Variants in RIMS2 observed in about 807,000 individuals in gnomAD.
RIMS2 encodes regulating synaptic membrane exocytosis protein 2.
Under a neutral mutation model 174.4 loss-of-function variants are expected in RIMS2, and 59 were observed. That is an observed-to-expected ratio of 0.34 (90% CI 0.27 to 0.42). The LOEUF is 0.42. Among genes scored for constraint, RIMS2 ranks in the 10% least tolerant of loss-of-function variants. The pLI, the probability that RIMS2 is intolerant of heterozygous loss-of-function variation, is 1.00. For synonymous variants in RIMS2, 606 were observed against 572.5 expected (o/e 1.06, Z -0.84); for missense variants, 1,620 against 1,666.3 (o/e 0.97, Z 0.48).
chr8:103,501,753 G>A (rs1820141165), intron 1 of RIMS2: 1 of 152,386 alleles, frequency 6.6e-6, no homozygotes, highest in Non-Finnish European at 1.5e-5. Flanking sequence ...ATCCTGAAGA[G>A]ACTCCAGTTC....
rs137947699 is a variant in RIMS2, at chr8:104,228,279, C to T, written c.3335-16637C>T. On this transcript the variant is annotated intron_variant, in intron 19 of 23. Transcript: ENST00000504942. ...TCCTGACCTCGTGATCAGCCCGCCT[C>T]GACCTCCCAAAGTGCTGAGATTACA... Among the ~76,000 whole-genome samples the T allele has an allele frequency of 9.3e-4, 141 of 152,170 alleles. 1 individual carries two copies. In the East Asian group the frequency reaches 0.021, roughly 23 times the overall value.
At chr8:103,900,373 A>C (rs142083615) in intron 4 of RIMS2, among the ~76,000 whole-genome samples, 30,898 of 149,328 alleles carry the variant, frequency 0.21, 3,627 homozygotes, top group Middle Eastern at 0.33. Flanking sequence ...ACAAGTGCCC[A>C]CCACCACGCC....
intron 1 of RIMS2, among the ~76,000 whole-genome samples, chr8:103,576,509 G>A (rs116899596): frequency 0.013 from 2,020 of 152,232 alleles, 25 homozygotes; most frequent in Middle Eastern, 0.037. Flanking sequence ...TGACCCTAAC[G>A]AGACAGCCAT....
At chr8:104,006,934 G>T (rs1435757451) in intron 17 of RIMS2, among the ~76,000 whole-genome samples, 1 of 151,894 alleles carries the variant, frequency 6.6e-6, no homozygotes, top group Admixed American at 6.6e-5. Context: ...ATGGTGATTT[G>T]TCAAACATTA....
chr8:103,756,002 A>C (rs1334548436), intron 2 of RIMS2, among the ~76,000 whole-genome samples: 1 of 152,072 alleles, frequency 6.6e-6, no homozygotes, highest in Non-Finnish European at 1.5e-5. Flanking sequence ...GGCGGCAAAG[A>C]GGTGCTCTGG....
intron 19 of RIMS2, among the ~76,000 whole-genome samples, chr8:104,116,670 C>G (rs867871595): frequency 2.1e-4 from 32 of 152,008 alleles, no homozygotes; most frequent in Middle Eastern, 6.8e-3. Context: ...ATAAAATTTA[C>G]CATGAAAGAT....
chr8:104,188,832 A>G (rs2098982953), intron 19 of RIMS2, among the ~76,000 whole-genome samples: 1 of 151,890 alleles, frequency 6.6e-6, no homozygotes, highest in African/African-American at 2.4e-5. Flanking sequence ...TGATAAACAT[A>G]TATTACTTTT....
intron 2 of RIMS2, among the ~76,000 whole-genome samples, chr8:103,758,489 AT>A (rs1282663857): frequency 3.9e-5 from 6 of 152,050 alleles, no homozygotes; most frequent in East Asian, 1.9e-4. Context: ...TTTCCACAGC[AT>A]TTTTTTCAGC....
At chr8:103,684,539 T>TTTTTTA (rs1554742034) in intron 1 of RIMS2, among the ~76,000 whole-genome samples, 1 of 134,414 alleles carries the variant, frequency 7.4e-6, no homozygotes, top group Non-Finnish European at 1.6e-5. Flanking sequence ...GTTCATACTT[T>TTTTTTA]TTTTATTTTA....
At chr8:104,000,536 CTTCAACATACTGAT>C (rs756005335) in intron 17 of RIMS2, among the ~76,000 whole-genome samples, 1 of 151,704 alleles carries the variant, frequency 6.6e-6, no homozygotes, top group Non-Finnish European at 1.5e-5. Flanking sequence ...GCAGGTATCT[CTTCAACATACTGAT>C]TTCCTTTCTC....
chr8:104,030,169 C>T (rs2096358746), intron 19 of RIMS2, among the ~76,000 whole-genome samples: 1 of 152,026 alleles, frequency 6.6e-6, no homozygotes, highest in Non-Finnish European at 1.5e-5. Flanking sequence ...TTGTGTATGG[C>T]ATGGTGAAAC....
chr8:104,174,813 C>T (rs929986231), intron 19 of RIMS2, among the ~76,000 whole-genome samples: 2 of 152,154 alleles, frequency 1.3e-5, no homozygotes, highest in African/African-American at 4.8e-5. Context: ...ACTTTCTGTT[C>T]TCTTTGAATA....
chr8:104,207,272 G>A (rs1488373748), intron 19 of RIMS2, among the ~76,000 whole-genome samples: 1 of 152,160 alleles, frequency 6.6e-6, no homozygotes, highest in Admixed American at 6.5e-5. Flanking sequence ...TGCAGAGCTA[G>A]CAAATAGAGA....
intron 19 of RIMS2, among the ~76,000 whole-genome samples, chr8:104,037,157 T>C (rs541062658): frequency 6.6e-6 from 1 of 152,276 alleles, no homozygotes; most frequent in East Asian, 1.9e-4. Context: ...GGTAAGCATT[T>C]AGTTTTTATA....
At chr8:104,138,164 T>C (rs56369007) in intron 19 of RIMS2, among the ~76,000 whole-genome samples, 6,842 of 152,292 alleles carry the variant, frequency 0.045, 519 homozygotes, top group African/African-American at 0.16. Context: ...ATTGTATGTA[T>C]GTACCACATT....
intron 15 of RIMS2, 89 bp downstream of exon 17, chr8:103,961,222 A>T: frequency 1.3e-6 from 1 of 743,880 alleles, no homozygotes; most frequent in Admixed American, 2.1e-5. Context: ...AAAGAGAAAG[A>T]TATAACTCGT....
chr8:104,093,380 A>G (rs1357710891), intron 19 of RIMS2, 91 bp from the exon 24 acceptor site: 2 of 893,590 alleles, frequency 2.2e-6, no homozygotes, highest in Non-Finnish European at 1.6e-6. Flanking sequence ...TCCTCTGTGG[A>G]CAATTAAAGT....
At chr8:103,898,421 A>G (rs2099304150) in intron 4 of RIMS2, among the ~76,000 whole-genome samples, 1 of 151,684 alleles carries the variant, frequency 6.6e-6, no homozygotes, top group South Asian at 2.1e-4. Flanking sequence ...TTACCAGTTC[A>G]GTGTCTGCAT....
chr8:103,811,786 T>C (rs1290793678), intron 3 of RIMS2, among the ~76,000 whole-genome samples: 1 of 152,256 alleles, frequency 6.6e-6, no homozygotes, highest in Non-Finnish European at 1.5e-5. Flanking sequence ...TTGCAAAACC[T>C]GCTTTTGCAC....
Sources: allele counts gnomAD v4.1 joint callset (sites outside exome capture counted in the v4.1 genomes callset), GRCh38; gene constraint gnomAD v4.1.1; transcripts MANE v1.5; gene names NCBI Gene and HGNC (gene_info 2026-07-23, HGNC 2026-07-21).